Variants in RCE1 observed in about 807,000 individuals in gnomAD.
RCE1 encodes the protein CAAX prenyl protease 2.
A neutral mutation model predicts 35.0 loss-of-function variants in RCE1; 15 were observed. That is an observed-to-expected ratio of 0.43 (90% CI 0.29 to 0.66). The LOEUF (loss-of-function observed/expected upper bound fraction) is 0.66, where lower values mean the gene tolerates loss of function less well. RCE1 is among the 30% of genes least tolerant of loss of function. The pLI is 0.17. For synonymous variants in RCE1, 261 were observed against 192.7 expected, an observed-to-expected ratio of 1.35 and a Z score of -2.94; for missense variants, 434 against 433.0, an observed-to-expected ratio of 1.00 and a Z score of -0.02.
chr11:66,845,578 C>T lies in RCE1; in HGVS notation c.754+16C>T. ...ATCCGCACAGGTTGGTCCTCAGTCCCTCATGGGTCCCTGGGGGCCCACAGG... is the reference window on the plus strand; with the variant it reads ...ATCCGCACAGGTTGGTCCTCAGTCCTTCATGGGTCCCTGGGGGCCCACAGG... On this transcript the variant is annotated intron_variant, in intron 7 of 7. Coordinates refer to ENST00000309657, the MANE Select transcript of RCE1 (RefSeq NM_005133.3). 6.2e-7 allele frequency: 1 copy of T among 1,614,200 alleles called. No homozygotes were observed. The highest frequency in any genetic ancestry group is 1.1e-5 in the South Asian group (1 of 91,090).
At chr11:66,845,091 G>T in intron 5 of RCE1, 55 bp downstream of exon 5, 1 of 1,612,046 alleles carries the variant, frequency 6.2e-7, no homozygotes. Flanking sequence ...CTCAGAAGGG[G>T]GCTTGAGGTG....
Position 66,843,843 on chromosome 11 carries a change from G to A in RCE1, c.270G>A (p.Arg90=), listed in dbSNP as rs780454117. 1.1e-5 allele frequency: 18 copies of A among 1,614,004 alleles called. No homozygotes were observed. The highest frequency in any genetic ancestry group is 2.2e-5 in the South Asian group (2 of 91,094). The change falls in exon 2 of 8, where the codon AGG becomes AGA. Residue 90 remains arginine, a synonymous_variant. Coordinates refer to ENST00000309657, the MANE Select transcript of RCE1 (RefSeq NM_005133.3). ...CACCCCTGTGCGTGCTGCTCTGGAGGGAACTCACAGGCATCCAGGTGCGAA... is the reference window on the plus strand; with the variant it reads ...CACCCCTGTGCGTGCTGCTCTGGAGAGAACTCACAGGCATCCAGGTGCGAA... ...SLSPLCVLLW[R]ELTGIQPGTS...
Position 66,843,443 on chromosome 11 carries a change from G to A in RCE1, c.-13G>A. ...GGACTGCGTCACTGGTGCGCGCCGC[G>A]GGTCAGGGCGCAATGGCGGCGCTGG... On this transcript the variant is annotated 5_prime_UTR_variant, in exon 1 of 8. Coordinates refer to ENST00000309657, the MANE Select transcript of RCE1 (RefSeq NM_005133.3). The A allele has an allele frequency of 1.4e-6, 2 of 1,383,500 alleles. No individual in the cohort carries two copies. Among genetic ancestry groups the A allele is most frequent in the Admixed American group, 3.8e-5 (1 of 26,066 alleles). 85.7% of individuals were successfully genotyped at this position (1,383,500 alleles called of 1,614,324 possible).
rs1945178604 is a variant in RCE1 at position 66,845,047 on chromosome 11, C to T, written c.619+11C>T. On this transcript the variant is annotated intron_variant, in intron 5 of 7. Coordinates refer to ENST00000309657, the MANE Select transcript of RCE1 (RefSeq NM_005133.3). The stretch of plus-strand genomic sequence containing the variant: ...TCTTTTTTGGAGTTGGTGAGTCTGG[C>T]CAGATTAGTCCTGGTGTGTTTTCAG... 1 of 1,601,012 alleles carries T rather than the reference C, an allele frequency of 6.2e-7. No individual in the cohort carries two copies. The highest frequency in any genetic ancestry group is 1.1e-5 in the South Asian group (1 of 89,290).
intron 6 of RCE1, 83 bp downstream of exon 6, chr11:66,845,320 G>C: frequency 4.4e-6 from 7 of 1,603,506 alleles, no homozygotes; most frequent in Non-Finnish European, 6.0e-6. Context: ...GGGAACTGAG[G>C]GCCACAGTAT....
Position 66,845,311 on chromosome 11 carries a change from G to C in RCE1, c.691+74G>C, listed in dbSNP as rs928292949. The C allele has an allele frequency of 5.0e-6, 8 of 1,606,404 alleles. No homozygotes were observed. The African/African-American group carries it at 6.7e-5, about 13-fold the overall frequency. ...AATGGCCACTCTGGAGAAGGAATTG[G>C]GAACTGAGGGCCACAGTATTGGAGA... On this transcript the variant is annotated intron_variant, in intron 6 of 7. Coordinates refer to ENST00000309657, the MANE Select transcript of RCE1 (RefSeq NM_005133.3).
rs1565201772 is a variant in RCE1 at position 66,844,372 on chromosome 11, T to C, written c.451+8T>C. The C allele has an allele frequency of 2.5e-6, 4 of 1,614,142 alleles. No homozygotes were observed. The highest frequency in any genetic ancestry group is 3.4e-6 in the Non-Finnish European group (4 of 1,180,018). ...GGCTGAAGGTTGTCCTGGGTGAGTC[T>C]TAAAGGCTGAAGGGAAAAGTAGGCA... On this transcript the variant is annotated splice_region_variant and intron_variant, in intron 4 of 7. Coordinates refer to ENST00000309657, the MANE Select transcript of RCE1 (RefSeq NM_005133.3).
Position 66,844,025 on chromosome 11 carries a change from C to T in RCE1, c.358C>T (p.Leu120=), listed in dbSNP as rs777754647. The T allele has an allele frequency of 1.2e-6, 2 of 1,614,132 alleles. No individual in the cohort carries two copies. The change falls in exon 3 of 8, where the codon CTG becomes TTG. Residue 120 remains leucine (L), a synonymous_variant. Transcript: ENST00000309657. ...EGIFPAALLP[L]LLTMILFLGP... ...CATTTTCCCAGCGGCGCTGCTGCCC[C>T]TGTTGCTGACCATGGTGAGTGCTCC... is the stretch of plus-strand genomic sequence containing the variant.
Position 66,845,186 on chromosome 11 carries a change from G to T in RCE1, c.640G>T (p.Glu214Ter), listed in dbSNP as rs1306444956. ...CCCAGCCCATTTTCACCATATTATT[G>T]AGCAGCTGCGTTTCCGCCAGAGCAG... ...FGVAHFHHII[E>*]QLRFRQSSVG... The change falls in exon 6 of 8, where the codon GAG becomes TAG. Residue 214 changes from glutamate to a stop codon, truncating the protein, a stop_gained. Transcript: ENST00000309657. LOFTEE classifies it high-confidence loss of function. The T allele has an allele frequency of 6.2e-7, 1 of 1,614,198 alleles. No individual in the cohort carries two copies. The highest frequency in any genetic ancestry group is 1.7e-5 in the Admixed American group (1 of 60,028).
In RCE1 at chr11:66,846,289, G is replaced by A; in HGVS notation, c.*194G>A. ...CCAAAGGGTGCAGCCCCTTTTGAAA[G>A]GGGTGTTTACGAGCAGCTGTGAGTG... On this transcript the variant is annotated 3_prime_UTR_variant, in exon 8 of 8. Coordinates refer to ENST00000309657, the MANE Select transcript of RCE1 (RefSeq NM_005133.3). 1 of 686,196 alleles carries A rather than the reference G, an allele frequency of 1.5e-6. No individual in the cohort carries two copies. Among genetic ancestry groups the A allele is most frequent in the East Asian group, 3.0e-5 (1 of 33,860 alleles). The allele number at this position is 686,196 out of a possible 1,614,324, so 42.5% of individuals were successfully genotyped here.
chr11:66,845,926 C>G lies in RCE1; in HGVS notation c.821C>G (p.Ala274Gly). ...TACATGGGTTTCCCAGCTGTTTGCGCGGCCTTGGAGCACCCACAGAGGCGG... is the reference window on the plus strand; with the variant it reads ...TACATGGGTTTCCCAGCTGTTTGCGGGGCCTTGGAGCACCCACAGAGGCGG... ...CNYMGFPAVCAALEHPQRRPL... is the reference protein window; with the variant it reads ...CNYMGFPAVCGALEHPQRRPL... The change falls in exon 8 of 8, where the codon GCG (alanine) becomes GGG (glycine). Residue 274 changes from alanine to glycine, a missense_variant. Transcript: ENST00000309657. The G allele has an allele frequency of 6.2e-7, 1 of 1,613,704 alleles. No homozygotes were observed. Among genetic ancestry groups the G allele is most frequent in the East Asian group, 2.2e-5 (1 of 44,874 alleles).
rs1945174296 is a variant in RCE1, at chr11:66,844,863, C to A, written c.452-6C>A. ...ACTCACAGCTTGTCCTGAATTCCCT[C>A]TGCAGCCCCCCGCTCCTGGGCCCGC... On this transcript the variant is annotated splice_polypyrimidine_tract_variant and splice_region_variant and intron_variant, in intron 4 of 7. Coordinates refer to ENST00000309657, the MANE Select transcript of RCE1 (RefSeq NM_005133.3). 2 of 1,525,210 alleles carry A rather than the reference C, an allele frequency of 1.3e-6. No individual in the cohort carries two copies. The highest frequency in any genetic ancestry group is 8.8e-7 in the Non-Finnish European group (1 of 1,137,486). The allele number at this position is 1,525,210 out of a possible 1,614,324, so 94.5% of individuals were successfully genotyped here.
At chr11:66,844,793 A>G (rs1001406266) in intron 4 of RCE1, 76 bp from the exon 5 acceptor site, 17 of 1,465,600 alleles carry the variant, frequency 1.2e-5, no homozygotes, top group African/African-American at 1.4e-5. Context: ...GTTGTGGGAG[A>G]GGAGCCCTTG....
chr11:66,844,733 C>A (rs1054611734), intron 4 of RCE1, 136 bp from the exon 5 acceptor site: 32 of 1,266,572 alleles, frequency 2.5e-5, no homozygotes, highest in Non-Finnish European at 3.3e-5. Context: ...TGGGTCCACA[C>A]CCCCGTCCTC....
At chr11:66,843,668 C>A (rs1234917183) in intron 1 of RCE1, 28 bp downstream of exon 1, 3 of 1,602,630 alleles carry the variant, frequency 1.9e-6, no homozygotes, top group Non-Finnish European at 2.6e-6. Context: ...GACCGGAATC[C>A]GCGCCCTGCG....
At position 66,846,302 on chromosome 11, in the gene RCE1, GC is replaced by G. The variant is rs1945209359; in HGVS notation, c.*208del. The G allele has an allele frequency of 5.0e-6, 3 of 605,432 alleles. No homozygotes were observed. The Admixed American group carries it at 1.1e-4, about 22-fold the overall frequency. The allele number at this position is 605,432 out of a possible 1,614,324, so 37.5% of individuals were successfully genotyped here. A position where few individuals can be genotyped will look rare whatever the true frequency, so the allele number is the denominator to read the frequency against. ...CCCCTTTTGAAAGGGGTGTTTACGA[GC>G]AGCTGTGAGTGAGGGGACAAGGGGC... On this transcript the variant is annotated 3_prime_UTR_variant, in exon 8 of 8. Transcript: ENST00000309657.
Position 66,843,806 on chromosome 11 carries a change from TG to T in RCE1, c.234del (p.Ser79ProfsTer26). ...IKRRFTSVLV[V>X]SSLSPLCVLL... The stretch of plus-strand genomic sequence containing the variant: ...CGACGCTTCACCAGCGTCCTGGTGG[TG>T]TCCAGTCTCTCACCCCTGTGCGTGC... On this transcript the variant is annotated frameshift_variant, in exon 2 of 8. Coordinates refer to ENST00000309657, the MANE Select transcript of RCE1 (RefSeq NM_005133.3). LOFTEE classifies it high-confidence loss of function. The T allele has an allele frequency of 6.2e-7, 1 of 1,613,962 alleles. No homozygotes were observed. Among genetic ancestry groups the T allele is most frequent in the South Asian group, 1.1e-5 (1 of 91,088 alleles).
Position 66,845,940 on chromosome 11 carries a change from C to G in RCE1, c.835C>G (p.Pro279Ala). The change falls in exon 8 of 8, where the codon CCA becomes GCA. Residue 279 changes from proline (P) to alanine (A), a missense_variant. Transcript: ENST00000309657. ...AGCTGTTTGCGCGGCCTTGGAGCAC[C>G]CACAGAGGCGGCCCCTGCTGGCAGG... ...FPAVCAALEH[P>A]QRRPLLAGYA... 1 of 1,613,798 alleles carries G rather than the reference C, an allele frequency of 6.2e-7. No homozygotes were observed. The highest frequency in any genetic ancestry group is 8.5e-7 in the Non-Finnish European group (1 of 1,180,030).
intron 4 of RCE1, 195 bp from the exon 5 acceptor site, chr11:66,844,674 C>G: frequency 1.1e-6 from 1 of 903,908 alleles, no homozygotes; most frequent in African/African-American, 1.7e-5. Flanking sequence ...ATGCCCTTGC[C>G]TCAGCTAATG....
Sources: gnomAD v4.1 joint callset for allele counts on GRCh38, gnomAD v4.1.1 for gene constraint, MANE v1.5 for transcripts, NCBI Gene and HGNC (gene_info 2026-07-23, HGNC 2026-07-21) for gene names.